AKAP6: variants seen among roughly 807,000 people sequenced by gnomAD.
The protein encoded by AKAP6 is A-kinase anchoring protein 6, also known as A-kinase anchor protein 6.
Under a neutral mutation model 188.5 loss-of-function variants are expected in AKAP6, and 58 were observed. The observed-to-expected ratio is 0.31, with a 90% CI of 0.25 to 0.38. The LOEUF (loss-of-function observed/expected upper bound fraction) is 0.38, where lower values mean the gene tolerates loss of function less well. Among genes scored for constraint, AKAP6 ranks in the 10% least tolerant of loss-of-function variants. The pLI is 1.00. For synonymous variants in AKAP6, 989 were observed against 998.6 expected, an observed-to-expected ratio of 0.99 and a Z score of 0.18; for missense variants, 2,710 against 2,740.0, an observed-to-expected ratio of 0.99 and a Z score of 0.24.
rs144069673 is a variant in AKAP6 at position 32,637,906 on chromosome 14, C to T, written c.2730+37114C>T. Among the ~76,000 whole-genome samples, 164 of 152,086 alleles carry T rather than the reference C, an allele frequency of 1.1e-3. 2 individuals carry two copies. In the East Asian group the frequency reaches 0.026, roughly 24 times the overall value. On this transcript the variant is annotated intron_variant, in intron 7 of 13. Transcript: ENST00000280979. ...TCAATATCACTTACACTGGAATTGTCGGAAGCAGAATGGGAGTGGGTGGAG... is the reference window on the plus strand; with the variant it reads ...TCAATATCACTTACACTGGAATTGTTGGAAGCAGAATGGGAGTGGGTGGAG...
At chr14:32,398,844 GTTTTTTTTTTTTT>G (rs773955888) in intron 1 of AKAP6, among the ~76,000 whole-genome samples, 1,529 of 60,892 alleles carry the variant, frequency 0.025, 10 homozygotes, top group Non-Finnish European at 0.04. Context: ...CTTTCTTCCT[GTTTTTTTTTTTTT>G]TTTTTTTTTT....
At chr14:32,632,850 A>T (rs890983672) in intron 7 of AKAP6, among the ~76,000 whole-genome samples, 4 of 152,122 alleles carry the variant, frequency 2.6e-5, no homozygotes, top group Non-Finnish European at 5.9e-5. Flanking sequence ...TGATTTAATC[A>T]TTTGCATATT....
chr14:32,353,526 A>T (rs560618278), intron 1 of AKAP6, among the ~76,000 whole-genome samples: 1 of 152,242 alleles, frequency 6.6e-6, no homozygotes, highest in South Asian at 2.1e-4. Flanking sequence ...GTGCCACTGC[A>T]CTCTAGCCTG....
chr14:32,569,503 T>G (rs138303783), intron 4 of AKAP6, among the ~76,000 whole-genome samples: 1 of 152,296 alleles, frequency 6.6e-6, no homozygotes, highest in African/African-American at 2.4e-5. Context: ...AGCTTTTAAC[T>G]CTCTAGCACT....
At chr14:32,737,585 T>TAA (rs2031488072) in intron 11 of AKAP6, among the ~76,000 whole-genome samples, 4 of 152,212 alleles carry the variant, frequency 2.6e-5, no homozygotes, top group African/African-American at 9.6e-5. Flanking sequence ...GAAGAACCTT[T>TAA]TTACATATGG....
At chr14:32,723,670 A>G (rs2030688540) in intron 9 of AKAP6, among the ~76,000 whole-genome samples, 1 of 151,994 alleles carries the variant, frequency 6.6e-6, no homozygotes, top group Admixed American at 6.6e-5. Context: ...TAGCTGGCAG[A>G]ACTGAGTTAA....
intron 2 of AKAP6, among the ~76,000 whole-genome samples, chr14:32,443,258 G>T (rs1157422527): frequency 1.3e-5 from 2 of 152,054 alleles, no homozygotes; most frequent in African/African-American, 2.4e-5. Context: ...GCTGGGCGTG[G>T]TGGTGGGCGC....
chr14:32,459,174 G>T (rs2138813115), intron 2 of AKAP6, among the ~76,000 whole-genome samples: 1 of 152,240 alleles, frequency 6.6e-6, no homozygotes, highest in African/African-American at 2.4e-5. Flanking sequence ...CTAAAAGATG[G>T]CAAAACATAG....
intron 8 of AKAP6, among the ~76,000 whole-genome samples, chr14:32,685,841 A>T (rs1055755497): frequency 6.6e-6 from 1 of 152,048 alleles, no homozygotes; most frequent in African/African-American, 2.4e-5. Flanking sequence ...ACTTGGTGGG[A>T]ATCTAAATTC....
intron 8 of AKAP6, among the ~76,000 whole-genome samples, chr14:32,694,495 C>T (rs1890316147): frequency 6.6e-6 from 1 of 152,096 alleles, no homozygotes; most frequent in South Asian, 2.1e-4. Flanking sequence ...TCAGTTTCAC[C>T]GTATGTGCAT....
At chr14:32,599,261 A>G (rs1464946144) in intron 5 of AKAP6, 149 bp from the exon 6 acceptor site, 1 of 589,796 alleles carries the variant, frequency 1.7e-6, no homozygotes, top group East Asian at 2.8e-5. Flanking sequence ...CAGATCCCAA[A>G]TATCAATAGC....
At chr14:32,395,243 C>T (rs943771533) in intron 1 of AKAP6, among the ~76,000 whole-genome samples, 2 of 152,044 alleles carry the variant, frequency 1.3e-5, no homozygotes, top group African/African-American at 4.8e-5. Flanking sequence ...TAGTGATAAC[C>T]TTGAACCTGC....
chr14:32,523,369 A>G (rs2139069510), intron 2 of AKAP6, among the ~76,000 whole-genome samples: 1 of 152,274 alleles, frequency 6.6e-6, no homozygotes, highest in Admixed American at 6.5e-5. Context: ...CTCCCAATAC[A>G]TTAACAGATC....
intron 1 of AKAP6, among the ~76,000 whole-genome samples, chr14:32,334,577 TA>T (rs766019101): frequency 1.2e-4 from 18 of 152,216 alleles, no homozygotes; most frequent in Non-Finnish European, 2.1e-4. Flanking sequence ...ATCTATAAAT[TA>T]AACTTTATCA....
At chr14:32,803,002 G>A (rs964800620) in intron 12 of AKAP6, among the ~76,000 whole-genome samples, 4 of 152,158 alleles carry the variant, frequency 2.6e-5, no homozygotes, top group African/African-American at 9.7e-5. Flanking sequence ...GGAGACTGAG[G>A]CAGGTGAATT....
At chr14:32,775,319 C>G (rs888836891) in intron 12 of AKAP6, among the ~76,000 whole-genome samples, 5 of 151,980 alleles carry the variant, frequency 3.3e-5, no homozygotes, top group Non-Finnish European at 7.4e-5. Context: ...ATTTTTGAAG[C>G]ATTCAAACTG....
intron 12 of AKAP6, among the ~76,000 whole-genome samples, chr14:32,775,457 G>T (rs1314349743): frequency 2.7e-5 from 4 of 150,146 alleles, no homozygotes; most frequent in African/African-American, 9.8e-5. Context: ...TTCAAGGATG[G>T]AGTCTTTCTC....
intron 7 of AKAP6, among the ~76,000 whole-genome samples, chr14:32,640,843 G>A (rs1262361158): frequency 6.6e-6 from 1 of 152,142 alleles, no homozygotes; most frequent in Admixed American, 6.6e-5. Context: ...ATAGGACTCT[G>A]TTACAGAAAT....
intron 7 of AKAP6, among the ~76,000 whole-genome samples, chr14:32,647,466 A>T (rs1399291004): frequency 6.6e-6 from 1 of 152,054 alleles, no homozygotes; most frequent in Non-Finnish European, 1.5e-5. Context: ...CACTTTTTGC[A>T]GTCTTCTTTT....
Sources: allele counts gnomAD v4.1 joint callset (sites outside exome capture counted in the v4.1 genomes callset), GRCh38; gene constraint gnomAD v4.1.1; transcripts MANE v1.5; gene names NCBI Gene and HGNC (gene_info 2026-07-23, HGNC 2026-07-21).